The following HTN1 variants were observed in gnomAD, a reference collection of about 807,000 sequenced individuals.
HTN1 encodes the protein histatin 1.
HTN1 carries 18 observed loss-of-function variants against 11.2 expected under a neutral mutation model. The observed-to-expected ratio is 1.61, with a 90% CI of 1.12 to 2.39. The LOEUF is 2.39. Ranked by LOEUF, HTN1 falls within the 30% of genes most tolerant of loss-of-function variation. HTN1 has a pLI of 0.00. For missense variants in HTN1, 80 were observed against 67.2 expected (o/e 1.19, Z -0.67); for synonymous variants, 21 against 20.5 (o/e 1.02, Z -0.07).
In HTN1 at chr4:70,054,438, A is replaced by G; in HGVS notation, c.90A>G (p.Arg30=). The change falls in exon 4 of 6, where the codon AGA becomes AGG. Residue 30 remains arginine (R), a synonymous_variant. Coordinates refer to ENST00000246896, the MANE Select transcript of HTN1 (RefSeq NM_002159.4). ...TTTCATAGAGACATCATGGGTATAG[A>G]AGAAAATTCCATGTAAGTGTTCTTC... The part of the protein sequence containing the change: ...DSHEKRHHGY[R]RKFHEKHHSH... 1 of 1,512,740 alleles carries G rather than the reference A, an allele frequency of 6.6e-7. No individual in the cohort carries two copies. The highest frequency in any genetic ancestry group is 9.1e-7 in the Non-Finnish European group (1 of 1,097,898). The allele number at this position is 1,512,740 out of a possible 1,614,324, so 93.7% of individuals were successfully genotyped here. A position where few individuals can be genotyped will look rare whatever the true frequency, so the allele number is the denominator to read the frequency against.
At chr4:70,054,285 A>T (rs750812228) in intron 2 of HTN1, 37 bp from the exon 3 acceptor site, 4 of 1,242,230 alleles carry the variant, frequency 3.2e-6, no homozygotes, top group Non-Finnish European at 4.5e-6. Flanking sequence ...TATAAAATTA[A>T]AATATTAATT....
chr4:70,055,238 G>C (rs1454913585), intron 4 of HTN1, among the ~76,000 whole-genome samples: 3 of 151,912 alleles, frequency 2.0e-5, no homozygotes, highest in Non-Finnish European at 2.9e-5. Context: ...GGTTAGAGAG[G>C]TTACCTATAA....
At chr4:70,056,546 T>C (rs1726048566) in intron 5 of HTN1, 1 of 152,152 alleles carries the variant, frequency 6.6e-6, no homozygotes, top group South Asian at 2.1e-4. Context: ...TGGGATCTAA[T>C]TAAACTAAAG....
chr4:70,053,614 C>A (rs556517622), intron 2 of HTN1, among the ~76,000 whole-genome samples: 1 of 152,220 alleles, frequency 6.6e-6, no homozygotes, highest in South Asian at 2.1e-4. Flanking sequence ...AACCATAAAA[C>A]AAATCTCCAT....
At chr4:70,050,810 G>A (rs1965414) in intron 1 of HTN1, among the ~76,000 whole-genome samples, 115,227 of 151,948 alleles carry the variant, frequency 0.76, 44,326 homozygotes, top group African/African-American at 0.89. Context: ...ACGTGTGCAG[G>A]ACATGCAGAT....
At position 70,054,443 on chromosome 4, in the gene HTN1, A is replaced by G; in HGVS notation, c.95A>G (p.Lys32Arg). ...TAGAGACATCATGGGTATAGAAGAA[A>G]ATTCCATGTAAGTGTTCTTCTGATA... ...HEKRHHGYRR[K>R]FHEKHHSHRE... Residue 32 changes from lysine (K) to arginine (R), a missense_variant, in exon 4 of 6, where the codon AAA becomes AGA. Coordinates refer to ENST00000246896, the MANE Select transcript of HTN1 (RefSeq NM_002159.4). 1 of 1,502,550 alleles carries G rather than the reference A, an allele frequency of 6.7e-7. No individual in the cohort carries two copies. The highest frequency in any genetic ancestry group is 9.2e-7 in the Non-Finnish European group (1 of 1,088,540). 93.1% of individuals were successfully genotyped at this position (1,502,550 alleles called of 1,614,324 possible). A position where few individuals can be genotyped will look rare whatever the true frequency, so the allele number is the denominator to read the frequency against.
At chr4:70,052,180 T>C (rs2109725885) in intron 1 of HTN1, among the ~76,000 whole-genome samples, 1 of 152,304 alleles carries the variant, frequency 6.6e-6, no homozygotes, top group East Asian at 1.9e-4. Context: ...ATTTTCCCTG[T>C]GAATTCTCTT....
chr4:70,055,442 T>C, intron 4 of HTN1, 56 bp from the exon 5 acceptor site: 2 of 1,224,726 alleles, frequency 1.6e-6, no homozygotes, highest in Non-Finnish European at 2.4e-6. Flanking sequence ...TGAGAAACAC[T>C]TGTATTGTCA....
chr4:70,054,798 TGTG>T (rs761221356), intron 4 of HTN1, among the ~76,000 whole-genome samples: 80 of 152,052 alleles, frequency 5.3e-4, no homozygotes, highest in Non-Finnish European at 9.7e-4. Context: ...ACTCATGTAA[TGTG>T]GTAAGTTTCT....
intron 4 of HTN1, 126 bp from the exon 5 acceptor site, chr4:70,055,372 A>T: frequency 1.4e-6 from 1 of 693,046 alleles, no homozygotes; most frequent in Non-Finnish European, 2.5e-6. Context: ...GAAAACATTT[A>T]TGTAGATAAA....
At position 70,050,510 on chromosome 4, in the gene HTN1, T is replaced by A. The variant is rs1290166866; in HGVS notation, c.-14+15T>A. Reference sequence around the variant, plus strand: ...TTGAGTAAAAGGTAATATGTTCAAGTACAATCTAATATTATATATTAGCAT... The same window carrying A: ...TTGAGTAAAAGGTAATATGTTCAAGAACAATCTAATATTATATATTAGCAT... On this transcript the variant is annotated intron_variant, in intron 1 of 5. Coordinates refer to ENST00000246896, the MANE Select transcript of HTN1 (RefSeq NM_002159.4). 2.0e-5 allele frequency: 3 copies of A among 152,170 alleles called. No individual in the cohort carries two copies. Among genetic ancestry groups the A allele is most frequent in the Non-Finnish European group, 2.9e-5 (2 of 68,024 alleles). The allele number at this position is 152,170 out of a possible 1,614,324, so 9.4% of individuals were successfully genotyped here.
intron 1 of HTN1, among the ~76,000 whole-genome samples, chr4:70,051,658 T>G (rs1444809253): frequency 6.6e-6 from 1 of 152,122 alleles, no homozygotes; most frequent in African/African-American, 2.4e-5. Context: ...AAATACATAA[T>G]TTTTATAGTT....
Position 70,050,479 on chromosome 4 carries a change from C to T in HTN1, c.-30C>T, listed in dbSNP as rs1391738538. The stretch of plus-strand genomic sequence containing the variant: ...CTTCAGCTTCACTGACTTCTTGACT[C>T]TCCTCTTGAGTAAAAGGTAATATGT... On this transcript the variant is annotated 5_prime_UTR_variant, in exon 1 of 6. Transcript: ENST00000246896. 2 of 152,134 alleles carry T rather than the reference C, an allele frequency of 1.3e-5. No individual in the cohort carries two copies. The highest frequency in any genetic ancestry group is 2.9e-5 in the Non-Finnish European group (2 of 68,016). The allele number at this position is 152,134 out of a possible 1,614,324, so 9.4% of individuals were successfully genotyped here.
intron 2 of HTN1, among the ~76,000 whole-genome samples, chr4:70,053,761 T>C (rs1725959047): frequency 6.6e-6 from 1 of 152,094 alleles, no homozygotes; most frequent in Admixed American, 6.6e-5. Context: ...CCTCCTCCTC[T>C]TTCTATGAAC....
At chr4:70,054,534 C>A in intron 4 of HTN1, 84 bp downstream of exon 4, 1 of 883,318 alleles carries the variant, frequency 1.1e-6, no homozygotes, top group African/African-American at 1.7e-5. Context: ...ATAGTTGTCT[C>A]TCAAATATAT....
At chr4:70,053,326 A>G (rs1044605696) in intron 2 of HTN1, among the ~76,000 whole-genome samples, 199 bp downstream of exon 2, 2 of 152,186 alleles carry the variant, frequency 1.3e-5, no homozygotes, top group Non-Finnish European at 2.9e-5. Flanking sequence ...TCACATACCT[A>G]CAAACACTCA....
chr4:70,053,147 T>G lies in HTN1; in HGVS notation c.51+20T>G. 6.6e-7 allele frequency: 1 copy of G among 1,519,984 alleles called. No individual in the cohort carries two copies. Among genetic ancestry groups the G allele is most frequent in the Non-Finnish European group, 9.1e-7 (1 of 1,095,186 alleles). The allele number at this position is 1,519,984 out of a possible 1,614,324, so 94.2% of individuals were successfully genotyped here. A position where few individuals can be genotyped will look rare whatever the true frequency, so the allele number is the denominator to read the frequency against. ...ATGATTGTAAGTATATCTGGAAATT[T>G]TAAATACTACATTCTCAGTACTTAT... On this transcript the variant is annotated intron_variant, in intron 2 of 5. Coordinates refer to ENST00000246896, the MANE Select transcript of HTN1 (RefSeq NM_002159.4).
intron 1 of HTN1, among the ~76,000 whole-genome samples, 161 bp downstream of exon 1, chr4:70,050,656 C>T (rs918535673): frequency 6.6e-6 from 1 of 151,976 alleles, no homozygotes; most frequent in Non-Finnish European, 1.5e-5. Flanking sequence ...TTGTATATTA[C>T]CTATAGAATA....
chr4:70,053,028 A>C, intron 1 of HTN1, 36 bp from the exon 2 acceptor site: 2 of 1,239,806 alleles, frequency 1.6e-6, no homozygotes, highest in Non-Finnish European at 2.4e-6. Context: ...TGCATGAAAG[A>C]ATGTGATTAC....
Sources: allele counts gnomAD v4.1 joint callset (sites outside exome capture counted in the v4.1 genomes callset), GRCh38; gene constraint gnomAD v4.1.1; transcripts MANE v1.5; gene names NCBI Gene and HGNC (gene_info 2026-07-23, HGNC 2026-07-21).